Variants in CADM2 observed in about 807,000 individuals in gnomAD.
CADM2 encodes the protein cell adhesion molecule 2.
CADM2 carries 12 observed loss-of-function variants against 49.8 expected under a neutral mutation model. That is an observed-to-expected ratio of 0.24 (90% confidence interval 0.15 to 0.39). The LOEUF (loss-of-function observed/expected upper bound fraction) is 0.39, where lower values mean the gene tolerates loss of function less well. Ranked by LOEUF, CADM2 falls within the 10% of genes least tolerant of loss-of-function variation. CADM2 has a pLI of 1.00. For synonymous variants in CADM2, 214 were observed against 175.4 expected, an observed-to-expected ratio of 1.22 and a Z score of -1.74; for missense variants, 378 against 492.3, an observed-to-expected ratio of 0.77 and a Z score of 2.20.
At chr3:85,365,198 A>ATTTTTT (rs1491587351) in intron 1 of CADM2, among the ~76,000 whole-genome samples, 1 of 48,652 alleles carries the variant, frequency 2.1e-5, no homozygotes, top group Non-Finnish European at 4.6e-5. Context: ...TTTTTTTTTT[A>ATTTTTT]CTTTTTTTTT....
intron 1 of CADM2, among the ~76,000 whole-genome samples, chr3:85,055,406 A>C (rs2036042477): frequency 6.6e-6 from 1 of 152,058 alleles, no homozygotes; most frequent in South Asian, 2.1e-4. Context: ...TAATAAAATG[A>C]AATTGCATGC....
intron 1 of CADM2, among the ~76,000 whole-genome samples, chr3:85,486,736 T>C (rs2039432459): frequency 6.6e-6 from 1 of 152,140 alleles, no homozygotes; most frequent in East Asian, 1.9e-4. Context: ...TATTTTATAA[T>C]GGAAAACTCT....
At chr3:85,574,225 G>A (rs895786488) in intron 1 of CADM2, among the ~76,000 whole-genome samples, 5 of 152,208 alleles carry the variant, frequency 3.3e-5, no homozygotes, top group African/African-American at 4.8e-5. Context: ...GGATCTTGAA[G>A]CTCACTGCTC....
At chr3:85,453,462 C>G (rs1423088769) in intron 1 of CADM2, among the ~76,000 whole-genome samples, 1 of 151,996 alleles carries the variant, frequency 6.6e-6, no homozygotes, top group Non-Finnish European at 1.5e-5. Flanking sequence ...TTTTATGAAG[C>G]TCTCATAAAC....
chr3:86,024,154 A>G (rs1733572567), intron 8 of CADM2, among the ~76,000 whole-genome samples: 2 of 152,190 alleles, frequency 1.3e-5, no homozygotes, highest in South Asian at 2.1e-4. Flanking sequence ...AGATGTAGCC[A>G]TTGGAAAGCA....
intron 1 of CADM2, among the ~76,000 whole-genome samples, chr3:85,413,227 T>C (rs1283020145): frequency 6.7e-6 from 1 of 150,284 alleles, no homozygotes; most frequent in Admixed American, 6.6e-5. Context: ...TTCTTCACAG[T>C]TTATTAACAA....
At chr3:84,993,677 T>C (rs976427366) in intron 1 of CADM2, among the ~76,000 whole-genome samples, 1 of 152,198 alleles carries the variant, frequency 6.6e-6, no homozygotes, top group Non-Finnish European at 1.5e-5. Context: ...CTGACTGATA[T>C]GAACTGTTGT....
chr3:85,093,700 C>T (rs1488403637), intron 1 of CADM2, among the ~76,000 whole-genome samples: 1 of 152,082 alleles, frequency 6.6e-6, no homozygotes, highest in African/African-American at 2.4e-5. Context: ...ATTACAAACT[C>T]TTTTAAATAA....
chr3:85,295,257 G>C (rs1402433592), intron 1 of CADM2, among the ~76,000 whole-genome samples: 1 of 151,934 alleles, frequency 6.6e-6, no homozygotes. Context: ...TCTCACACCA[G>C]TTAGAATGGC....
At chr3:86,034,569 T>C (rs1312454732) in intron 8 of CADM2, among the ~76,000 whole-genome samples, 4 of 152,046 alleles carry the variant, frequency 2.6e-5, no homozygotes, top group Non-Finnish European at 5.9e-5. Flanking sequence ...ATTTATGTTA[T>C]GCTGTTGTAA....
intron 1 of CADM2, among the ~76,000 whole-genome samples, chr3:85,625,189 T>C (rs1281420614): frequency 3.3e-5 from 5 of 152,130 alleles, no homozygotes; most frequent in African/African-American, 9.6e-5. Context: ...TTTTAAATTT[T>C]TGGCTAACTG....
intron 1 of CADM2, among the ~76,000 whole-genome samples, chr3:85,041,206 T>C (rs1440428592): frequency 6.6e-6 from 1 of 152,176 alleles, no homozygotes; most frequent in Non-Finnish European, 1.5e-5. Context: ...TCTGATTTCA[T>C]GTGAACGCCA....
chr3:85,793,933 C>T (rs2108042346), intron 2 of CADM2, among the ~76,000 whole-genome samples: 1 of 152,172 alleles, frequency 6.6e-6, no homozygotes, highest in East Asian at 1.9e-4. Flanking sequence ...CTGCATCTAC[C>T]TAAAAAGGCT....
At chr3:85,069,791 T>G (rs985071242) in intron 1 of CADM2, among the ~76,000 whole-genome samples, 1 of 152,200 alleles carries the variant, frequency 6.6e-6, no homozygotes, top group Non-Finnish European at 1.5e-5. Flanking sequence ...TCTTAATGTC[T>G]AGACGTCATA....
chr3:86,070,681 G>A lies in CADM2; in HGVS notation c.*3898G>A, dbSNP rs1014830813. 5 of 151,432 alleles carry A rather than the reference G, an allele frequency of 3.3e-5. No individual in the cohort carries two copies. The highest frequency in any genetic ancestry group is 5.9e-5 in the Non-Finnish European group (4 of 67,718). 9.4% of individuals were successfully genotyped at this position (151,432 alleles called of 1,614,324 possible). A position where few individuals can be genotyped will look rare whatever the true frequency, so the allele number is the denominator to read the frequency against. On this transcript the variant is annotated 3_prime_UTR_variant, in exon 10 of 10. Transcript: ENST00000383699. ...GCCAAATAAATGAAACACCTAATGA[G>A]AATTACTGTTGAGTAATGCTTTTTA...
chr3:85,601,158 ATATATATATATATAT>A (rs2063388536), intron 1 of CADM2, among the ~76,000 whole-genome samples: 1 of 119,200 alleles, frequency 8.4e-6, no homozygotes, highest in Non-Finnish European at 1.6e-5. Context: ...ATATATATAT[ATATATATATATATAT>A]ACACACACAC....
chr3:86,054,768 A>T (rs1249787258), intron 8 of CADM2, among the ~76,000 whole-genome samples: 2 of 152,152 alleles, frequency 1.3e-5, no homozygotes. Context: ...TCTTAGGCGA[A>T]AATAATTGCA....
chr3:85,639,883 G>A (rs1231387688), intron 1 of CADM2, among the ~76,000 whole-genome samples: 3 of 152,088 alleles, frequency 2.0e-5, no homozygotes, highest in Admixed American at 2.0e-4. Context: ...TATTGAGAAG[G>A]GAATCTTTCT....
intron 1 of CADM2, among the ~76,000 whole-genome samples, chr3:85,416,963 A>G (rs889893090): frequency 2.6e-5 from 4 of 152,052 alleles, no homozygotes; most frequent in Non-Finnish European, 4.4e-5. Context: ...AGCTTTTTCA[A>G]TTGTGCTTTA....
Sources: gnomAD v4.1 joint callset for allele counts (sites outside exome capture counted in the v4.1 genomes callset) on GRCh38, gnomAD v4.1.1 for gene constraint, MANE v1.5 for transcripts, NCBI Gene and HGNC (gene_info 2026-07-23, HGNC 2026-07-21) for gene names.